Variants in INSC observed in about 807,000 individuals in gnomAD.
The protein encoded by INSC is protein inscuteable homolog.
INSC carries 67 observed loss-of-function variants against 58.6 expected under a neutral mutation model. That is an observed-to-expected ratio of 1.14 (90% CI 0.94 to 1.40). The LOEUF is 1.40. Among genes scored for constraint, INSC ranks in the 40% most tolerant of loss-of-function variants. The pLI, the probability that INSC is intolerant of heterozygous loss-of-function variation, is 0.00. For synonymous variants in INSC, 262 were observed against 276.1 expected (o/e 0.95, Z 0.51); for missense variants, 714 against 692.0 (o/e 1.03, Z -0.36).
intron 8 of INSC, among the ~76,000 whole-genome samples, chr11:15,222,252 A>T (rs1033537038): frequency 6.6e-6 from 1 of 152,236 alleles, no homozygotes; most frequent in African/African-American, 2.4e-5. Context: ...TAAATTATAG[A>T]AACTGAAAGC....
upstream of INSC, among the ~76,000 whole-genome samples, chr11:15,111,605 T>C (rs1590314110): frequency 6.6e-6 from 1 of 152,194 alleles, no homozygotes; most frequent in Admixed American, 6.5e-5. Context: ...TGCATGTGTC[T>C]TTACCTGTGT....
chr11:15,149,303 C>T, intron 2 of INSC, 73 bp downstream of exon 2: 20 of 1,365,110 alleles, frequency 1.5e-5, no homozygotes, highest in Non-Finnish European at 1.9e-5. Context: ...GTTCCAGCAT[C>T]CTGAGGCTGC....
At chr11:15,164,784 A>G (rs1590384657) in intron 2 of INSC, among the ~76,000 whole-genome samples, 1 of 152,154 alleles carries the variant, frequency 6.6e-6, no homozygotes, top group East Asian at 1.9e-4. Flanking sequence ...CATAATTCCC[A>G]TGTGTTGTGG....
intron 2 of INSC, among the ~76,000 whole-genome samples, chr11:15,168,918 A>G (rs1018651906): frequency 2.0e-5 from 3 of 152,200 alleles, no homozygotes; most frequent in Admixed American, 6.5e-5. Context: ...ACTTCTATGT[A>G]CATATGTTAT....
At chr11:15,220,736 C>T (rs1426320713) in intron 7 of INSC, among the ~76,000 whole-genome samples, 1 of 152,190 alleles carries the variant, frequency 6.6e-6, no homozygotes, top group Admixed American at 6.5e-5. Context: ...ACTGTAAGCA[C>T]ATGCTCAGCA....
intron 9 of INSC, among the ~76,000 whole-genome samples, chr11:15,228,039 A>G (rs1374855686): frequency 1.3e-5 from 2 of 152,232 alleles, no homozygotes; most frequent in African/African-American, 4.8e-5. Flanking sequence ...CAAATAATAC[A>G]TATTTTACAA....
intron 1 of INSC, among the ~76,000 whole-genome samples, chr11:15,118,264 T>C (rs1239328903): frequency 6.6e-6 from 1 of 152,196 alleles, no homozygotes; most frequent in Non-Finnish European, 1.5e-5. Context: ...TCACCTCTTA[T>C]CTGCAGAGGT....
chr11:15,174,745 T>G (rs1043827627), intron 2 of INSC, among the ~76,000 whole-genome samples: 1 of 152,248 alleles, frequency 6.6e-6, no homozygotes, highest in African/African-American at 2.4e-5. Context: ...TTTTCAAGCT[T>G]TACTTTTAAT....
chr11:15,188,109 T>G, intron 5 of INSC: 1 of 876,432 alleles, frequency 1.1e-6, no homozygotes, highest in Non-Finnish European at 1.4e-6. Flanking sequence ...TGTGCTCAGT[T>G]ATAGCTTGGA....
chr11:15,168,103 T>C (rs777322367), intron 2 of INSC, among the ~76,000 whole-genome samples: 3 of 152,190 alleles, frequency 2.0e-5, no homozygotes, highest in Non-Finnish European at 2.9e-5. Context: ...GCTCATCTAC[T>C]TTATTATTTT....
In INSC at chr11:15,246,494, T is replaced by TTTTC. The variant is rs1852569688; in HGVS notation, c.*458_*461dup. On this transcript the variant is annotated 3_prime_UTR_variant, in exon 13 of 13. Coordinates refer to ENST00000379556, the MANE Select transcript of INSC (RefSeq NM_001042536.3). The stretch of plus-strand genomic sequence containing the variant: ...TAGAATATATTGGAAAGAAGTTTCT[T>TTTTC]TTTCTTTAATAAATGGAATCATATA... 6.6e-6 allele frequency: 1 copy of TTTTC among 151,898 alleles called. No homozygotes were observed. The highest frequency in any genetic ancestry group is 1.5e-5 in the Non-Finnish European group (1 of 67,740). 9.4% of individuals were successfully genotyped at this position (151,898 alleles called of 1,614,324 possible).
intron 12 of INSC, 106 bp downstream of exon 12, chr11:15,240,629 C>G: frequency 1.3e-6 from 1 of 797,492 alleles, no homozygotes; most frequent in East Asian, 2.7e-5. Context: ...GCCATAAAAC[C>G]TCTCTGGGCT....
intron 7 of INSC, among the ~76,000 whole-genome samples, chr11:15,214,640 C>T (rs1444534464): frequency 1.3e-5 from 2 of 152,178 alleles, no homozygotes; most frequent in Non-Finnish European, 2.9e-5. Context: ...GGTTCTTTAA[C>T]TGCAAAAGTT....
At chr11:15,181,204 CT>C (rs766600677) in intron 5 of INSC, among the ~76,000 whole-genome samples, 4 of 152,280 alleles carry the variant, frequency 2.6e-5, no homozygotes, top group South Asian at 4.1e-4. Context: ...GTTTGTTTTG[CT>C]CGTGCATATA....
At chr11:15,259,174 G>A in the INSC span, among the ~76,000 whole-genome samples, 1 of 152,178 alleles carries the variant, frequency 6.6e-6, no homozygotes, top group African/African-American at 2.4e-5. Context: ...GAGCCCAGTG[G>A]AGGAAGCTCA....
At chr11:15,119,383 C>T (rs1236355311) in intron 1 of INSC, among the ~76,000 whole-genome samples, 1 of 152,214 alleles carries the variant, frequency 6.6e-6, no homozygotes, top group Non-Finnish European at 1.5e-5. Flanking sequence ...AACCAAGCCT[C>T]TGCCCAGACT....
rs560797321 is a variant in INSC at position 15,152,665 on chromosome 11, T to C, written c.56+3435T>C. Among the ~76,000 whole-genome samples the C allele has an allele frequency of 1.1e-4, 16 of 152,310 alleles. No homozygotes were observed. In the South Asian group the frequency reaches 3.3e-3, roughly 32 times the overall value. On this transcript the variant is annotated intron_variant, in intron 2 of 12. Transcript: ENST00000379556. ...TGAATTGTTTTTTGCTTAAATAAAC[T>C]CTGTTAAATTTATTTTGTCTAAAAC...
chr11:15,119,325 T>G (rs1463642115), intron 1 of INSC, among the ~76,000 whole-genome samples: 2 of 152,192 alleles, frequency 1.3e-5, no homozygotes, highest in African/African-American at 4.8e-5. Flanking sequence ...GTGGGCAGTG[T>G]TGAACTTCTG....
intron 4 of INSC, 69 bp from the exon 5 acceptor site, chr11:15,178,255 C>A (rs1590404460): frequency 6.3e-7 from 1 of 1,590,412 alleles, no homozygotes; most frequent in East Asian, 2.2e-5. Flanking sequence ...CCAGTTCTGG[C>A]CCGTGCAACA....
Sources: gnomAD v4.1 joint callset for allele counts (sites outside exome capture counted in the v4.1 genomes callset) on GRCh38, gnomAD v4.1.1 for gene constraint, MANE v1.5 for transcripts, NCBI Gene and HGNC (gene_info 2026-07-23, HGNC 2026-07-21) for gene names.